NBEAL1: variants seen among roughly 807,000 people sequenced by gnomAD.
The protein encoded by NBEAL1 is neurobeachin-like protein 1.
NBEAL1 carries 273 observed loss-of-function variants against 351.3 expected under a neutral mutation model. That is an observed-to-expected ratio of 0.78 (90% CI 0.70 to 0.86). The LOEUF (loss-of-function observed/expected upper bound fraction) is 0.86. NBEAL1 is among the 40% of genes least tolerant of loss of function. The pLI is 0.00. For synonymous variants in NBEAL1, 1,050 were observed against 1,086.4 expected (o/e 0.97, Z 0.66); for missense variants, 2,961 against 3,201.3 (o/e 0.92, Z 1.81).
intron 44 of NBEAL1, among the ~76,000 whole-genome samples, chr2:203,184,155 G>A (rs1008885159): frequency 1.3e-5 from 2 of 151,498 alleles, no homozygotes; most frequent in Non-Finnish European, 2.9e-5. Context: ...AAAAAGGTGG[G>A]CACAGTGGCT....
intron 15 of NBEAL1, among the ~76,000 whole-genome samples, chr2:203,111,340 A>C (rs940140076): frequency 5.3e-5 from 8 of 152,038 alleles, no homozygotes; most frequent in Admixed American, 2.0e-4. Context: ...CAATGATAAA[A>C]TAAAATGAGA....
rs1002081623 is a variant in NBEAL1 at position 203,167,393 on chromosome 2, G to A, written c.5997+33G>A. ...TTATGGTTTCAGGAAATCCCAAAAT[G>A]CTAGCTTTAAATACGTTTCCAGCTA... is the stretch of plus-strand genomic sequence containing the variant. On this transcript the variant is annotated intron_variant, in intron 38 of 55. Transcript: ENST00000683969. The A allele has an allele frequency of 3.2e-6, 5 of 1,556,344 alleles. No homozygotes were observed. The Admixed American group carries it at 5.9e-5, about 18-fold the overall frequency.
At chr2:203,066,640 G>A (rs1248953602) in intron 6 of NBEAL1, among the ~76,000 whole-genome samples, 1 of 152,190 alleles carries the variant, frequency 6.6e-6, no homozygotes, top group South Asian at 2.1e-4. Flanking sequence ...CGGCCTGGCA[G>A]AGGCACTCCT....
intron 35 of NBEAL1, among the ~76,000 whole-genome samples, chr2:203,157,399 A>G (rs1330029612): frequency 6.6e-6 from 1 of 152,118 alleles, no homozygotes; most frequent in Non-Finnish European, 1.5e-5. Context: ...ATTATTGGCA[A>G]CCTTTAGAAT....
intron 41 of NBEAL1, 25 bp from the exon 42 acceptor site, chr2:203,175,122 A>G: frequency 6.3e-7 from 1 of 1,594,892 alleles, no homozygotes; most frequent in Non-Finnish European, 8.6e-7. Context: ...TGTGGTTTTA[A>G]AACTTTAGGA....
intron 8 of NBEAL1, among the ~76,000 whole-genome samples, chr2:203,078,629 C>G (rs1417986270): frequency 6.6e-6 from 1 of 152,170 alleles, no homozygotes; most frequent in Non-Finnish European, 1.5e-5. Flanking sequence ...CGTGAGTCCC[C>G]CATGCCCTAC....
rs1168671327 is a variant in NBEAL1, at chr2:203,107,664, T to C, written c.1425T>C (p.Pro475=). 1.3e-6 allele frequency: 2 copies of C among 1,552,898 alleles called. No individual in the cohort carries two copies. The highest frequency in any genetic ancestry group is 4.9e-5 in the East Asian group (2 of 41,160). Residue 475 remains proline (P), a synonymous_variant, in exon 14 of 56, where the codon CCT becomes CCC. Transcript: ENST00000683969. ...VGILGISNVQ[P]LLLLIQWLPE... ...TTTTGGGCATTAGTAATGTCCAACCTCTCTTGCTTCTTATCCAGTGGCTTC... is the reference window on the plus strand; with the variant it reads ...TTTTGGGCATTAGTAATGTCCAACCCCTCTTGCTTCTTATCCAGTGGCTTC...
chr2:203,211,083 C>A lies in NBEAL1; in HGVS notation c.7911C>A (p.Phe2637Leu). 6.2e-7 allele frequency: 1 copy of A among 1,602,524 alleles called. No individual in the cohort carries two copies. The highest frequency in any genetic ancestry group is 1.1e-5 in the South Asian group (1 of 88,118). ...EHIVTGSIQGFLSIRDLHSLN... is the reference protein window; with the variant it reads ...EHIVTGSIQGLLSIRDLHSLN... ...TTGTCACAGGCAGCATACAAGGATT[C>A]CTGTCTATAAGAGATCTCCACAGGT... Residue 2637 changes from phenylalanine (F) to leucine (L), a missense_variant, in exon 54 of 56, where the codon TTC (phenylalanine) becomes TTA (leucine). Phe to Leu is a conservative substitution (Grantham distance 22, BLOSUM62 0). Coordinates refer to ENST00000683969, the MANE Select transcript of NBEAL1 (RefSeq NM_001378026.1).
At chr2:203,196,271 T>A (rs1484455857) in intron 47 of NBEAL1, among the ~76,000 whole-genome samples, 2 of 152,238 alleles carry the variant, frequency 1.3e-5, no homozygotes, top group East Asian at 3.8e-4. Context: ...ACCTACCATG[T>A]CACATAGTAG....
At position 203,147,958 on chromosome 2, in the gene NBEAL1, A is replaced by G. The variant is rs141189964; in HGVS notation, c.5305-1033A>G. Among the ~76,000 whole-genome samples the G allele has an allele frequency of 9.2e-5, 14 of 152,152 alleles. No homozygotes were observed. In the East Asian group the frequency reaches 2.7e-3, roughly 29 times the overall value. ...AGGTTTTCTAGAAATACCTAATTTAAGAATATCCTCATATTATTGAACCTC... is the reference window on the plus strand; with the variant it reads ...AGGTTTTCTAGAAATACCTAATTTAGGAATATCCTCATATTATTGAACCTC... On this transcript the variant is annotated intron_variant, in intron 33 of 55. Coordinates refer to ENST00000683969, the MANE Select transcript of NBEAL1 (RefSeq NM_001378026.1).
intron 12 of NBEAL1, among the ~76,000 whole-genome samples, chr2:203,101,747 C>A (rs1212844381): frequency 6.6e-6 from 1 of 152,080 alleles, no homozygotes; most frequent in Non-Finnish European, 1.5e-5. Flanking sequence ...AGGTGTGCAC[C>A]AATGCTTGGC....
chr2:203,066,860 C>T lies in NBEAL1; in HGVS notation c.516-1533C>T, dbSNP rs1339937024. ...CGCTCCTCACATCCCAGATGATGGG[C>T]GGCCGGGCAGAGGCGCTCCTCACCT... is the stretch of plus-strand genomic sequence containing the variant. On this transcript the variant is annotated intron_variant, in intron 6 of 55. Coordinates refer to ENST00000683969, the MANE Select transcript of NBEAL1 (RefSeq NM_001378026.1). 8.6e-4 allele frequency among the ~76,000 whole-genome samples: 124 copies of T among 143,424 alleles called. 1 individual carries two copies. The highest frequency in any genetic ancestry group is 1.6e-3 in the Non-Finnish European group (109 of 66,254). 94.1% of individuals were successfully genotyped at this position (143,424 alleles called of 152,430 possible). A position where few individuals can be genotyped will look rare whatever the true frequency, so the allele number is the denominator to read the frequency against.
chr2:203,056,530 T>A, intron 5 of NBEAL1, 22 bp downstream of exon 5: 1 of 1,365,244 alleles, frequency 7.3e-7, no homozygotes, highest in Non-Finnish European at 1.0e-6. Context: ...CTAATCTTTT[T>A]TGTCACTTTA....
At chr2:203,070,958 T>C (rs1227939321) in intron 7 of NBEAL1, among the ~76,000 whole-genome samples, 1 of 152,184 alleles carries the variant, frequency 6.6e-6, no homozygotes, top group Non-Finnish European at 1.5e-5. Flanking sequence ...GATAAGGTCT[T>C]GCTGTGTTGC....
In NBEAL1 at chr2:203,190,329, A is replaced by G; in HGVS notation, c.6861A>G (p.Glu2287=). ...VDLDALTDEK[E]RKALEGMINN... ...TGGATGCCTTAACAGATGAGAAAGA[A>G]AGAAAAGCCTTAGAAGGGATGATTA... is the stretch of plus-strand genomic sequence containing the variant. The change falls in exon 46 of 56, where the codon GAA becomes GAG. Residue 2287 remains glutamate, a synonymous_variant. Coordinates refer to ENST00000683969, the MANE Select transcript of NBEAL1 (RefSeq NM_001378026.1). 6.2e-7 allele frequency: 1 copy of G among 1,612,766 alleles called. No homozygotes were observed. Among genetic ancestry groups the G allele is most frequent in the Non-Finnish European group, 8.5e-7 (1 of 1,179,738 alleles).
rs370607663 is a variant in NBEAL1 at position 203,180,468 on chromosome 2, T to C, written c.6551T>C (p.Ile2184Thr). ...MDNPYDVKEL[I>T]PEFFYFPEFL... ...AATCCATATGATGTTAAAGAACTTA[T>C]TCCTGAATTCTTCTATTTCCCAGAG... Residue 2184 changes from isoleucine to threonine, a missense_variant, in exon 43 of 56, where the codon ATT becomes ACT. Coordinates refer to ENST00000683969, the MANE Select transcript of NBEAL1 (RefSeq NM_001378026.1). The C allele has an allele frequency of 6.2e-7, 1 of 1,611,782 alleles. No homozygotes were observed. The highest frequency in any genetic ancestry group is 8.5e-7 in the Non-Finnish European group (1 of 1,178,932).
At chr2:203,093,230 T>TA (rs139917037) in intron 10 of NBEAL1, among the ~76,000 whole-genome samples, 1 of 49,898 alleles carries the variant, frequency 2.0e-5, no homozygotes, top group African/African-American at 7.2e-5. Context: ...AGACTCTGTC[T>TA]AAAAAAAAAA....
At chr2:203,106,762 G>A (rs2062449069) in intron 12 of NBEAL1, among the ~76,000 whole-genome samples, 1 of 152,106 alleles carries the variant, frequency 6.6e-6, no homozygotes, top group Non-Finnish European at 1.5e-5. Context: ...TTTGTAGTGA[G>A]TGTATATATT....
At chr2:203,064,020 T>G (rs1007011125) in intron 6 of NBEAL1, among the ~76,000 whole-genome samples, 1 of 152,016 alleles carries the variant, frequency 6.6e-6, no homozygotes, top group Non-Finnish European at 1.5e-5. Flanking sequence ...AGGGGGAAGT[T>G]TTAGTTGGGA....
Sources: gnomAD v4.1 joint callset for allele counts (sites outside exome capture counted in the v4.1 genomes callset) on GRCh38, gnomAD v4.1.1 for gene constraint, MANE v1.5 for transcripts, NCBI Gene and HGNC (gene_info 2026-07-23, HGNC 2026-07-21) for gene names.